Variants in ATP9B observed in about 807,000 individuals in gnomAD.
ATP9B encodes the protein ATPase phospholipid transporting 9B, also known as probable phospholipid-transporting ATPase IIB.
In ATP9B, 110 loss-of-function variants were observed where a neutral mutation model predicts 146.1. That is an observed-to-expected ratio of 0.75 (90% CI 0.65 to 0.88). The LOEUF is 0.88. Ranked by LOEUF, ATP9B falls within the 40% of genes least tolerant of loss-of-function variation. The pLI is 0.00. For synonymous variants in ATP9B, 604 were observed against 569.7 expected (o/e 1.06, Z -0.86); for missense variants, 1,499 against 1,496.4 (o/e 1.00, Z -0.03).
chr18:79,325,142 G>T (rs755712575), intron 15 of ATP9B, among the ~76,000 whole-genome samples: 1 of 152,166 alleles, frequency 6.6e-6, no homozygotes, highest in African/African-American at 2.4e-5. Context: ...TTTGTGTGAC[G>T]CATTCTTTCC....
intron 9 of ATP9B, among the ~76,000 whole-genome samples, chr18:79,203,640 C>T (rs1461529669): frequency 1.3e-5 from 2 of 152,162 alleles, no homozygotes; most frequent in Non-Finnish European, 2.9e-5. Context: ...GTCAATTGCT[C>T]TGATACAATA....
intron 23 of ATP9B, 68 bp downstream of exon 23, chr18:79,345,907 T>A: frequency 6.4e-7 from 1 of 1,556,240 alleles, no homozygotes. Flanking sequence ...CAGCACATGC[T>A]GGGCCACTGT....
intron 13 of ATP9B, among the ~76,000 whole-genome samples, chr18:79,283,489 C>T (rs2096401021): frequency 6.6e-6 from 1 of 152,218 alleles, no homozygotes; most frequent in South Asian, 2.1e-4. Context: ...CACAGTGGTT[C>T]TCTCATTTGC....
chr18:79,333,015 A>T (rs1034982023), intron 17 of ATP9B: 1 of 152,236 alleles, frequency 6.6e-6, no homozygotes, highest in African/African-American at 2.4e-5. Context: ...GAGTTCAATA[A>T]TGTTTATTTG....
chr18:79,328,044 C>CGTGCTCTCCGTGGTTAGT, intron 15 of ATP9B, among the ~76,000 whole-genome samples: 1 of 140,348 alleles, frequency 7.1e-6, no homozygotes, highest in Non-Finnish European at 1.5e-5. Context: ...CCGTGGTTAG[C>CGTGCTCTCCGTGGTTAGT]GTGCTCTCTC....
chr18:79,377,703 C>T lies in ATP9B; in HGVS notation c.*320C>T, dbSNP rs3809943. On this transcript the variant is annotated 3_prime_UTR_variant, in exon 30 of 30. Transcript: ENST00000426216. The stretch of plus-strand genomic sequence containing the variant: ...TCCCTCTCAGTGCAGGGACGTCACC[C>T]CTGCCAGGCAAGCCCAGGGCACAGA... The T allele has an allele frequency of 1.8e-4, 57 of 310,150 alleles. No individual in the cohort carries two copies. The East Asian group carries it at 3.5e-3, about 19-fold the overall frequency. The allele number at this position is 310,150 out of a possible 1,614,324, so 19.2% of individuals were successfully genotyped here. A position where few individuals can be genotyped will look rare whatever the true frequency, so the allele number is the denominator to read the frequency against.
At chr18:79,372,281 C>T (rs1428102700) in intron 26 of ATP9B, 1 of 164,656 alleles carries the variant, frequency 6.1e-6, no homozygotes. Context: ...CCTTCAACTT[C>T]GCAGAGTGAA....
At chr18:79,181,614 T>C (rs1474784412) in intron 8 of ATP9B, among the ~76,000 whole-genome samples, 2 of 152,204 alleles carry the variant, frequency 1.3e-5, no homozygotes, top group African/African-American at 4.8e-5. Flanking sequence ...TTTTTCCTTC[T>C]GTAACTCAAT....
intron 12 of ATP9B, among the ~76,000 whole-genome samples, chr18:79,266,736 G>T (rs1050566478): frequency 2.0e-5 from 3 of 151,868 alleles, no homozygotes; most frequent in African/African-American, 7.3e-5. Context: ...GTATTAACAC[G>T]GTAAATGATA....
chr18:79,360,685 T>G (rs781637739), intron 26 of ATP9B: 4 of 152,248 alleles, frequency 2.6e-5, no homozygotes, highest in Admixed American at 6.5e-5. Context: ...ACTTTAAAGT[T>G]TCTTGAAAAA....
At chr18:79,319,305 C>G (rs2096701310) in intron 15 of ATP9B, among the ~76,000 whole-genome samples, 1 of 152,102 alleles carries the variant, frequency 6.6e-6, no homozygotes, top group Non-Finnish European at 1.5e-5. Flanking sequence ...AATAAAATGC[C>G]CTTGTATATG....
rs369894688 is a variant in ATP9B, at chr18:79,262,318, G to A, written c.1268+8777G>A. On this transcript the variant is annotated intron_variant, in intron 12 of 29. Transcript: ENST00000426216. ...AATACTTTTCTATAATTTATGTTAC[G>A]TTTTTAGTTACTGAGCATGGCTAAT... 2.4e-3 allele frequency among the ~76,000 whole-genome samples: 365 copies of A among 151,648 alleles called. 1 individual carries two copies. Among genetic ancestry groups the A allele is most frequent in the South Asian group, 6.5e-3 (31 of 4,786 alleles).
chr18:79,195,573 G>A (rs1165243148), intron 9 of ATP9B, among the ~76,000 whole-genome samples: 1 of 152,088 alleles, frequency 6.6e-6, no homozygotes, highest in Non-Finnish European at 1.5e-5. Flanking sequence ...ATGGTACTTA[G>A]GAAAGAACAC....
At chr18:79,176,247 C>A (rs749802579) in intron 7 of ATP9B, among the ~76,000 whole-genome samples, 3 of 152,126 alleles carry the variant, frequency 2.0e-5, no homozygotes, top group African/African-American at 7.2e-5. Flanking sequence ...AGAATAGATT[C>A]TGAGAAGTGG....
chr18:79,352,303 C>G lies in ATP9B; in HGVS notation c.2903+4107C>G, dbSNP rs80311975. ...GAGCACCAAGAAGGTGCATGACATT[C>G]CGAGAGAGAGCTCTGGGCAGGAGGA... On this transcript the variant is annotated intron_variant, in intron 25 of 29. Transcript: ENST00000426216. Among the ~76,000 whole-genome samples, 1,190 of 152,294 alleles carry G rather than the reference C, an allele frequency of 7.8e-3. 28 individuals carry two copies. Among genetic ancestry groups the G allele is most frequent in the East Asian group, 0.064 (333 of 5,174 alleles).
At chr18:79,259,325 C>T (rs1245273976) in intron 12 of ATP9B, among the ~76,000 whole-genome samples, 1 of 152,128 alleles carries the variant, frequency 6.6e-6, no homozygotes, top group Non-Finnish European at 1.5e-5. Context: ...AGTTACTTCC[C>T]TCTTTATTAA....
chr18:79,270,713 C>T (rs974439854), intron 12 of ATP9B, among the ~76,000 whole-genome samples: 17 of 152,266 alleles, frequency 1.1e-4, no homozygotes, highest in African/African-American at 2.4e-4. Flanking sequence ...TCATTAATCT[C>T]GGTGCTCACC....
intron 13 of ATP9B, among the ~76,000 whole-genome samples, chr18:79,289,946 T>C (rs1182148590): frequency 3.3e-5 from 5 of 152,318 alleles, no homozygotes; most frequent in African/African-American, 1.2e-4. Context: ...GAATCGCGAA[T>C]GCTGCTGTCT....
chr18:79,132,002 T>C (rs2094384973), intron 5 of ATP9B, among the ~76,000 whole-genome samples: 1 of 152,214 alleles, frequency 6.6e-6, no homozygotes, highest in Non-Finnish European at 1.5e-5. Context: ...TGGGTTTCCT[T>C]TTTTGGTGAT....
Sources: allele counts gnomAD v4.1 joint callset (sites outside exome capture counted in the v4.1 genomes callset), GRCh38; gene constraint gnomAD v4.1.1; transcripts MANE v1.5; gene names NCBI Gene and HGNC (gene_info 2026-07-23, HGNC 2026-07-21).